Variants in GRIK3 observed in about 807,000 individuals in gnomAD.
GRIK3 encodes the protein glutamate ionotropic receptor kainate type subunit 3.
A neutral mutation model predicts 102.5 loss-of-function variants in GRIK3; 29 were observed. That is an observed-to-expected ratio of 0.28 (90% CI 0.21 to 0.39). GRIK3 has a LOEUF of 0.39. Among genes scored for constraint, GRIK3 ranks in the 10% least tolerant of loss-of-function variants. The pLI is 1.00. For synonymous variants in GRIK3, 511 were observed against 504.9 expected, an observed-to-expected ratio of 1.01 and a Z score of -0.16; for missense variants, 908 against 1,252.4, an observed-to-expected ratio of 0.73 and a Z score of 4.15.
chr1:36,805,884 C>T (rs563982914), intron 14 of GRIK3, among the ~76,000 whole-genome samples: 59 of 138,100 alleles, frequency 4.3e-4, no homozygotes, highest in African/African-American at 1.5e-3. Flanking sequence ...TGCGGTGAAC[C>T]GAGATCATGC....
intron 15 of GRIK3, 81 bp downstream of exon 15, chr1:36,804,906 G>A (rs748245108): frequency 6.6e-7 from 1 of 1,526,590 alleles, no homozygotes; most frequent in Non-Finnish European, 9.0e-7. Context: ...AGACACCACT[G>A]TGTGCCTGGC....
chr1:36,809,804 T>C (rs1642543211), intron 13 of GRIK3, among the ~76,000 whole-genome samples: 2 of 152,096 alleles, frequency 1.3e-5, no homozygotes, highest in South Asian at 4.1e-4. Flanking sequence ...AGGAACTGAA[T>C]GAGGAAGATG....
chr1:37,003,450 A>G (rs1159583549), intron 1 of GRIK3, among the ~76,000 whole-genome samples: 2 of 152,144 alleles, frequency 1.3e-5, no homozygotes, highest in African/African-American at 4.8e-5. Flanking sequence ...TTGGACATGC[A>G]TATCTTTCTT....
intron 1 of GRIK3, among the ~76,000 whole-genome samples, chr1:37,010,897 G>T (rs576774830): frequency 6.6e-6 from 1 of 151,728 alleles, no homozygotes; most frequent in African/African-American, 2.4e-5. Flanking sequence ...GCCCACCACC[G>T]CGCCCGGCTA....
intron 10 of GRIK3, among the ~76,000 whole-genome samples, chr1:36,832,627 C>T (rs1160615926): frequency 6.6e-6 from 1 of 152,234 alleles, no homozygotes; most frequent in African/African-American, 2.4e-5. Context: ...CACTGCCTAA[C>T]AGTGAGGAAA....
At chr1:36,870,704 C>T (rs1441426296) in intron 4 of GRIK3, among the ~76,000 whole-genome samples, 7 of 152,196 alleles carry the variant, frequency 4.6e-5, no homozygotes, top group Non-Finnish European at 1.0e-4. Flanking sequence ...TCAGACAGAC[C>T]TGGGAGTCCA....
chr1:36,964,567 C>T (rs1249416796), intron 1 of GRIK3, among the ~76,000 whole-genome samples: 1 of 152,202 alleles, frequency 6.6e-6, no homozygotes, highest in Non-Finnish European at 1.5e-5. Flanking sequence ...TTCTCATGTT[C>T]ATCTTTTATA....
intron 1 of GRIK3, among the ~76,000 whole-genome samples, chr1:36,989,375 AGAGGAGGAG>A (rs941209338): frequency 1.3e-5 from 2 of 151,892 alleles, no homozygotes; most frequent in South Asian, 4.1e-4. Flanking sequence ...TCCAGCTGGC[AGAGGAGGAG>A]GAGGAGGAGG....
chr1:36,801,762 C>A lies in GRIK3; in HGVS notation c.*89G>T. The A allele has an allele frequency of 2.6e-6, 3 of 1,172,336 alleles. No individual in the cohort carries two copies. Among genetic ancestry groups the A allele is most frequent in the Non-Finnish European group, 3.5e-6 (3 of 855,948 alleles). 72.6% of individuals were successfully genotyped at this position (1,172,336 alleles called of 1,614,324 possible). A position where few individuals can be genotyped will look rare whatever the true frequency, so the allele number is the denominator to read the frequency against. On this transcript the variant is annotated 3_prime_UTR_variant, in exon 16 of 16. Transcript: ENST00000373091. ...GCAGGTGGCAGCTCTGGTCCCCAAG[C>A]CCAGTGCGGGGACAGGGGACGTTCC...
intron 1 of GRIK3, among the ~76,000 whole-genome samples, chr1:36,916,551 C>T (rs1018059007): frequency 2.0e-5 from 3 of 152,104 alleles, no homozygotes; most frequent in African/African-American, 7.2e-5. Flanking sequence ...GCTCAGGGTT[C>T]CAGTGCTGCA....
At chr1:36,808,508 G>A (rs929058055) in intron 13 of GRIK3, among the ~76,000 whole-genome samples, 32 of 152,336 alleles carry the variant, frequency 2.1e-4, no homozygotes, top group Middle Eastern at 3.4e-3. Context: ...CCTATGGAGA[G>A]GTTCCCAGGG....
At chr1:37,006,997 C>T (rs965306485) in intron 1 of GRIK3, among the ~76,000 whole-genome samples, 3 of 152,204 alleles carry the variant, frequency 2.0e-5, no homozygotes, top group Non-Finnish European at 4.4e-5. Context: ...GGCCCGAGTC[C>T]AGCAGCCGTC....
chr1:37,016,463 G>A (rs992663876), intron 1 of GRIK3, among the ~76,000 whole-genome samples: 2 of 152,220 alleles, frequency 1.3e-5, no homozygotes, highest in African/African-American at 4.8e-5. Context: ...CTCCCTCTGA[G>A]TTGCTCTTTG....
intron 2 of GRIK3, among the ~76,000 whole-genome samples, chr1:36,889,879 T>G (rs481418): frequency 0.045 from 6,791 of 152,248 alleles, 404 homozygotes; most frequent in African/African-American, 0.13. Flanking sequence ...GATTCCAGGC[T>G]TTTGTTCTGT....
In GRIK3 at chr1:36,819,675, G is replaced by A; in HGVS notation, c.1873+61C>T. Reference sequence around the variant, plus strand: ...GGCTGGCTCTGCTGATGCCAAAGAGGCTGAAGACCGCTTGGGGAAAGCAGA... The same window carrying A: ...GGCTGGCTCTGCTGATGCCAAAGAGACTGAAGACCGCTTGGGGAAAGCAGA... On this transcript the variant is annotated intron_variant, in intron 12 of 15. Transcript: ENST00000373091. The surrounding 1 kb of genome is among the most constrained non-coding windows in gnomAD (Gnocchi z 4.1). The A allele has an allele frequency of 1.1e-6, 1 of 880,902 alleles. No individual in the cohort carries two copies. Among genetic ancestry groups the A allele is most frequent in the South Asian group, 1.3e-5 (1 of 74,462 alleles). The allele number at this position is 880,902 out of a possible 1,614,324, so 54.6% of individuals were successfully genotyped here.
chr1:36,951,958 G>T lies in GRIK3; in HGVS notation c.116-60862C>A, dbSNP rs529856782. Among the ~76,000 whole-genome samples, 3 of 152,120 alleles carry T rather than the reference G, an allele frequency of 2.0e-5. No homozygotes were observed. The South Asian group carries it at 6.2e-4, about 31-fold the overall frequency. On this transcript the variant is annotated intron_variant, in intron 1 of 15. Transcript: ENST00000373091. ...CCAGGGCCTCTGCCAGGTGGGTTCT[G>T]TCTTGTGGGGAGGAGCATCGAAGGG...
chr1:36,838,113 T>C (rs569464845), intron 10 of GRIK3, among the ~76,000 whole-genome samples: 1 of 152,318 alleles, frequency 6.6e-6, no homozygotes, highest in South Asian at 2.1e-4. Flanking sequence ...ACAGCTTCTG[T>C]GTACTGAGCA....
At chr1:36,965,969 C>A (rs1453120106) in intron 1 of GRIK3, among the ~76,000 whole-genome samples, 1 of 152,176 alleles carries the variant, frequency 6.6e-6, no homozygotes, top group Non-Finnish European at 1.5e-5. Context: ...GATTAATCTG[C>A]CCTTCGAGGG....
rs990433272 is a variant in GRIK3, at chr1:36,850,807, C to G, written c.1213-383G>C. Reference sequence around the variant, plus strand: ...GGTCTATGGTCAGTGCCAGGTCTTGCCCTGGGACACAGTCTTTGTGGCTGT... The same window carrying G: ...GGTCTATGGTCAGTGCCAGGTCTTGGCCTGGGACACAGTCTTTGTGGCTGT... On this transcript the variant is annotated intron_variant, in intron 8 of 15. Transcript: ENST00000373091. The surrounding 1 kb of genome is among the most constrained non-coding windows in gnomAD (Gnocchi z 4.0). Among the ~76,000 whole-genome samples the G allele has an allele frequency of 6.6e-6, 1 of 152,188 alleles. No homozygotes were observed. Among genetic ancestry groups the G allele is most frequent in the Non-Finnish European group, 1.5e-5 (1 of 68,040 alleles).
Sources: allele counts gnomAD v4.1 joint callset (sites outside exome capture counted in the v4.1 genomes callset), GRCh38; gene constraint gnomAD v4.1.1; non-coding constraint Gnocchi (gnomAD v3.1); transcripts MANE v1.5; gene names NCBI Gene and HGNC (gene_info 2026-07-23, HGNC 2026-07-21).